SSC4D: variants seen among roughly 807,000 people sequenced by gnomAD.
The protein encoded by SSC4D is scavenger receptor cysteine-rich domain-containing group B protein.
SSC4D carries 57 observed loss-of-function variants against 63.4 expected under a neutral mutation model. The ratio of observed to expected loss-of-function variants is 0.90; its 90% CI spans 0.73 to 1.12. The LOEUF (loss-of-function observed/expected upper bound fraction) is 1.12. Ranked by LOEUF, SSC4D falls within the 50% of genes most tolerant of loss-of-function variation. The probability of loss-of-function intolerance (pLI) is 0.00; values close to 1 mark genes in which losing one functional copy is unlikely to be tolerated. For synonymous variants in SSC4D, 352 were observed against 345.4 expected, an observed-to-expected ratio of 1.02 and a Z score of -0.21; for missense variants, 791 against 806.4, an observed-to-expected ratio of 0.98 and a Z score of 0.23.
At position 76,395,374 on chromosome 7, in the gene SSC4D, G is replaced by A. The variant is rs749483528; in HGVS notation, c.869-44C>T. On this transcript the variant is annotated intron_variant, in intron 6 of 10. Transcript: ENST00000275560. ...GGGCAGGGTCAGAGGCTGAGATTCT[G>A]GTCTCTGGTCAGCCATGGGCTGTCA... The A allele has an allele frequency of 6.9e-6, 11 of 1,590,374 alleles. No homozygotes were observed. In the South Asian group the frequency reaches 1.2e-4, roughly 18 times the overall value.
At chr7:76,393,107 C>T (rs1435886962) in intron 9 of SSC4D, among the ~76,000 whole-genome samples, 1 of 152,210 alleles carries the variant, frequency 6.6e-6, no homozygotes, top group Non-Finnish European at 1.5e-5. Flanking sequence ...GACTTGATGC[C>T]TTTCTCGAAC....
At chr7:76,392,069 G>T (rs759115401) in intron 9 of SSC4D, 28 bp from the exon 10 acceptor site, 2 of 1,554,380 alleles carry the variant, frequency 1.3e-6, no homozygotes, top group African/African-American at 2.7e-5. Flanking sequence ...GAGATAAAGA[G>T]GTGGCTCTCA....
chr7:76,389,999 T>C lies in SSC4D; in HGVS notation c.*60A>G, dbSNP rs749654096. ...TAGTCATCACAAGAGGAGGGCTTCC[T>C]GGAGGAGGAAGGGAGGTCACAGCTC... On this transcript the variant is annotated 3_prime_UTR_variant, in exon 11 of 11. Coordinates refer to ENST00000275560, the MANE Select transcript of SSC4D (RefSeq NM_080744.2). 15 of 1,605,080 alleles carry C rather than the reference T, an allele frequency of 9.3e-6. No homozygotes were observed. The African/African-American group carries it at 2.0e-4, about 21-fold the overall frequency.
At chr7:76,400,710 GT>G in intron 3 of SSC4D, 119 bp from the exon 4 acceptor site, 1 of 1,195,350 alleles carries the variant, frequency 8.4e-7, no homozygotes, top group South Asian at 1.7e-5. Flanking sequence ...GTCTCACTAT[GT>G]TGCCAAGGCT....
At chr7:76,400,162 G>T in intron 4 of SSC4D, 124 bp downstream of exon 4, 1 of 1,103,490 alleles carries the variant, frequency 9.1e-7, no homozygotes, top group Non-Finnish European at 1.2e-6. Flanking sequence ...ACCAGGCATT[G>T]TAGCCTCTGG....
intron 3 of SSC4D, among the ~76,000 whole-genome samples, 198 bp downstream of exon 3, chr7:76,400,810 G>A (rs1223511018): frequency 4.6e-5 from 7 of 152,126 alleles, no homozygotes; most frequent in South Asian, 2.1e-4. Context: ...ACCCAGCCAG[G>A]TTACCCGCTT....
In SSC4D at chr7:76,404,340, G is replaced by T. The variant is rs766342387; in HGVS notation, c.100C>A (p.Gln34Lys). The T allele has an allele frequency of 2.5e-6, 4 of 1,611,988 alleles. No individual in the cohort carries two copies. Among genetic ancestry groups the T allele is most frequent in the Admixed American group, 3.3e-5 (2 of 59,816 alleles). ...AGGAGGAGAAGGAAAGACAGGGCTT[G>T]GGGGAGGAAGGGAGGGGCAGCACTC... ...DGSAAPPFLPQALSFLLLLPL... is the reference protein window; with the variant it reads ...DGSAAPPFLPKALSFLLLLPL... The change falls in exon 2 of 11, where the codon CAA becomes AAA. Residue 34 changes from glutamine to lysine, a missense_variant. By Grantham distance (53) the Gln-to-Lys change is moderately conservative. Transcript: ENST00000275560.
chr7:76,398,829 T>C, intron 4 of SSC4D, 32 bp from the exon 5 acceptor site: 3 of 1,607,582 alleles, frequency 1.9e-6, no homozygotes, highest in Non-Finnish European at 2.6e-6. Context: ...TACAGGGGTC[T>C]TTCTGTTCTC....
intron 9 of SSC4D, 154 bp downstream of exon 9, chr7:76,393,251 G>C: frequency 1.3e-6 from 1 of 746,110 alleles, no homozygotes; most frequent in Non-Finnish European, 1.8e-6. Context: ...CAGCCGCAGA[G>C]CGGGCGCACG....
Position 76,399,224 on chromosome 7 carries a change from G to A in SSC4D, c.476-427C>T, listed in dbSNP as rs572006148. ...GATGGGGTTTCACCATGTTGGTCAGGCTGGTCTTGAACTCCTGACCTCAGG... is the reference window on the plus strand; with the variant it reads ...GATGGGGTTTCACCATGTTGGTCAGACTGGTCTTGAACTCCTGACCTCAGG... On this transcript the variant is annotated intron_variant, in intron 4 of 10. Transcript: ENST00000275560. Among the ~76,000 whole-genome samples the A allele has an allele frequency of 1.4e-4, 22 of 152,092 alleles. 1 individual carries two copies. The highest frequency in any genetic ancestry group is 8.3e-4 in the South Asian group (4 of 4,810).
chr7:76,398,496 G>A (rs957615476), intron 5 of SSC4D, among the ~76,000 whole-genome samples: 1 of 152,138 alleles, frequency 6.6e-6, no homozygotes, highest in Non-Finnish European at 1.5e-5. Flanking sequence ...GTAGAGACAG[G>A]GTTTCACCAT....
intron 10 of SSC4D, among the ~76,000 whole-genome samples, chr7:76,391,689 T>C (rs1804497344): frequency 6.6e-6 from 1 of 152,146 alleles, no homozygotes; most frequent in African/African-American, 2.4e-5. Flanking sequence ...AACTATATTC[T>C]GAATTTTTTC....
At position 76,400,326 on chromosome 7, in the gene SSC4D, G is replaced by A. The variant is rs1408688793; in HGVS notation, c.435C>T (p.His145=). ...CCACATCCTCGTAGTGAAAGCAATT[G>A]TGGACGCCCCAGCCGCGGCTGCCGC... The part of the protein sequence containing the change: ...SECGSRGWGV[H]NCFHYEDVAV... The change falls in exon 4 of 11, where the codon CAC becomes CAT. Residue 145 remains histidine, a synonymous_variant. Transcript: ENST00000275560. 1.1e-5 allele frequency: 17 copies of A among 1,504,192 alleles called. No homozygotes were observed. The highest frequency in any genetic ancestry group is 1.4e-5 in the Non-Finnish European group (16 of 1,122,612). 93.2% of individuals were successfully genotyped at this position (1,504,192 alleles called of 1,614,324 possible). A position where few individuals can be genotyped will look rare whatever the true frequency, so the allele number is the denominator to read the frequency against.
chr7:76,389,860 C>CA lies in SSC4D; in HGVS notation c.*198dup. The CA allele has an allele frequency of 1.5e-6, 1 of 656,732 alleles. No individual in the cohort carries two copies. Among genetic ancestry groups the CA allele is most frequent in the Non-Finnish European group, 2.6e-6 (1 of 389,826 alleles). 40.7% of individuals were successfully genotyped at this position (656,732 alleles called of 1,614,324 possible). On this transcript the variant is annotated 3_prime_UTR_variant, in exon 11 of 11. Coordinates refer to ENST00000275560, the MANE Select transcript of SSC4D (RefSeq NM_080744.2). ...GAATTGGGCTCACAACAGTCGATGA[C>CA]AGGCTGAGGTCACGCAGTAAGTGGA...
chr7:76,400,104 A>G (rs113977697), intron 4 of SSC4D, among the ~76,000 whole-genome samples, 182 bp downstream of exon 4: 2,467 of 152,296 alleles, frequency 0.016, 34 homozygotes, highest in East Asian at 0.063. Flanking sequence ...AGGGTCAGGC[A>G]ATGACCCAGA....
At chr7:76,395,377 C>A (rs2115754121) in intron 6 of SSC4D, 47 bp from the exon 7 acceptor site, 1 of 1,588,292 alleles carries the variant, frequency 6.3e-7, no homozygotes, top group Non-Finnish European at 8.6e-7. Flanking sequence ...AGATTCTGGT[C>A]TCTGGTCAGC....
At position 76,392,059 on chromosome 7, in the gene SSC4D, G is replaced by C; in HGVS notation, c.1334-18C>G. ...CTCTGGGCCTGGTTCAGGAAGGACA[G>C]AGATAAAGAGGTGGCTCTCACAATG... On this transcript the variant is annotated intron_variant, in intron 9 of 10. Transcript: ENST00000275560. 1 of 1,558,614 alleles carries C rather than the reference G, an allele frequency of 6.4e-7. No homozygotes were observed. Among genetic ancestry groups the C allele is most frequent in the Non-Finnish European group, 8.7e-7 (1 of 1,150,788 alleles).
chr7:76,407,968 G>A (rs1805095115), intron 1 of SSC4D, among the ~76,000 whole-genome samples: 1 of 152,190 alleles, frequency 6.6e-6, no homozygotes, highest in African/African-American at 2.4e-5. Flanking sequence ...AGAGGAAGGA[G>A]AGATGCGAAG....
At position 76,397,653 on chromosome 7, in the gene SSC4D, C is replaced by T. The variant is rs756017367; in HGVS notation, c.733G>A (p.Gly245Ser). The T allele has an allele frequency of 2.9e-5, 47 of 1,613,678 alleles. No homozygotes were observed. Among genetic ancestry groups the T allele is most frequent in the Non-Finnish European group, 1.3e-5 (15 of 1,179,866 alleles). Residue 245 changes from glycine to serine, a missense_variant, in exon 6 of 11, where the codon GGC becomes AGC. Coordinates refer to ENST00000275560, the MANE Select transcript of SSC4D (RefSeq NM_080744.2). Reference protein sequence around the residue: ...AMAATTNAFFGYGTGHILLDN... With the variant: ...AMAATTNAFFSYGTGHILLDN... ...AGCAGGATGTGTCCGGTGCCATAGC[C>T]GAAGAAGGCGTTGGTGGTGGCGGCC...
Sources: allele counts gnomAD v4.1 joint callset (sites outside exome capture counted in the v4.1 genomes callset), GRCh38; gene constraint gnomAD v4.1.1; transcripts MANE v1.5; gene names NCBI Gene and HGNC (gene_info 2026-07-23, HGNC 2026-07-21).